EPC1: variants seen among roughly 807,000 people sequenced by gnomAD.
EPC1 encodes the protein enhancer of polycomb homolog 1.
In EPC1, 12 loss-of-function variants were observed where a neutral mutation model predicts 98.4. The ratio of observed to expected loss-of-function variants is 0.12; its 90% CI spans 0.08 to 0.20. The LOEUF (loss-of-function observed/expected upper bound fraction) is 0.20, where lower values mean the gene tolerates loss of function less well. EPC1 is among the 10% of genes least tolerant of loss of function. The pLI is 1.00. For missense variants in EPC1, 729 were observed against 990.5 expected (o/e 0.74, Z 3.54); for synonymous variants, 357 against 363.9 (o/e 0.98, Z 0.21).
At chr10:32,346,050 G>A (rs1013882236) in intron 1 of EPC1, among the ~76,000 whole-genome samples, 5 of 152,202 alleles carry the variant, frequency 3.3e-5, no homozygotes, top group South Asian at 2.1e-4. Flanking sequence ...CTCTGGAGAG[G>A]GATGGATACA....
intron 2 of EPC1, among the ~76,000 whole-genome samples, chr10:32,298,729 A>G (rs1247378264): frequency 2.0e-5 from 3 of 152,212 alleles, no homozygotes; most frequent in Non-Finnish European, 2.9e-5. Flanking sequence ...AATGGTGAAT[A>G]TTAGATTTGA....
chr10:32,284,559 T>TA, intron 10 of EPC1, 139 bp downstream of exon 10: 1 of 660,414 alleles, frequency 1.5e-6, no homozygotes, highest in South Asian at 2.2e-5. Context: ...AATAAATACT[T>TA]AGACCAAGAT....
rs756551251 is a variant in EPC1, at chr10:32,269,147, A to G, written c.2370-12T>C. On this transcript the variant is annotated splice_polypyrimidine_tract_variant and intron_variant, in intron 13 of 13. Coordinates refer to ENST00000319778, the MANE Select transcript of EPC1 (RefSeq NM_001272004.3). ...ATTCATGATTTTCCCTGTTGAAATA[A>G]AGTTCAATCAATTACTTATCTACAA... is the stretch of plus-strand genomic sequence containing the variant. The G allele has an allele frequency of 3.7e-6, 6 of 1,608,334 alleles. No homozygotes were observed. Among genetic ancestry groups the G allele is most frequent in the Non-Finnish European group, 4.3e-6 (5 of 1,175,444 alleles).
chr10:32,302,581 C>G (rs2479361), intron 2 of EPC1, among the ~76,000 whole-genome samples: 1 of 147,962 alleles, frequency 6.8e-6, no homozygotes, highest in Non-Finnish European at 1.5e-5. Context: ...ATCTAGGAAG[C>G]GGAGGTTGCT....
intron 1 of EPC1, among the ~76,000 whole-genome samples, chr10:32,369,599 G>A (rs187839982): frequency 7.2e-5 from 11 of 152,226 alleles, no homozygotes; most frequent in Middle Eastern, 3.4e-3. Context: ...TCTTTTAACA[G>A]GTAAGCATAT....
At chr10:32,327,090 C>CACAG (rs1837340877) in intron 1 of EPC1, among the ~76,000 whole-genome samples, 4 of 149,862 alleles carry the variant, frequency 2.7e-5, no homozygotes, top group Non-Finnish European at 5.9e-5. Flanking sequence ...CACACACACA[C>CACAG]TCACAATGGA....
At chr10:32,295,398 G>GA (rs780295302) in intron 2 of EPC1, among the ~76,000 whole-genome samples, 3 of 152,120 alleles carry the variant, frequency 2.0e-5, no homozygotes, top group Non-Finnish European at 2.9e-5. Flanking sequence ...TGGTACAGTT[G>GA]AATGTATTAT....
chr10:32,301,089 T>TCTGC (rs1192926067), intron 2 of EPC1, among the ~76,000 whole-genome samples: 6 of 148,674 alleles, frequency 4.0e-5, no homozygotes, highest in Admixed American at 2.0e-4. Flanking sequence ...TATCTATCTA[T>TCTGC]CTGCCTGCCT....
upstream of EPC1, among the ~76,000 whole-genome samples, chr10:32,350,982 A>G (rs1183980835): frequency 1.3e-5 from 2 of 152,092 alleles, no homozygotes. Context: ...TTCATCCTTT[A>G]TTTATTCAGT....
At chr10:32,316,966 A>C (rs1836591974) in intron 1 of EPC1, among the ~76,000 whole-genome samples, 1 of 152,218 alleles carries the variant, frequency 6.6e-6, no homozygotes, top group South Asian at 2.1e-4. Flanking sequence ...AAATAATAAC[A>C]TGGAAGAATC....
Position 32,346,623 on chromosome 10 carries a change from T to C in EPC1, c.153+140A>G, listed in dbSNP as rs1042354831. 1.3e-5 allele frequency: 11 copies of C among 843,168 alleles called. No individual in the cohort carries two copies. The African/African-American group carries it at 1.7e-4, about 13-fold the overall frequency. 52.2% of individuals were successfully genotyped at this position (843,168 alleles called of 1,614,324 possible). A position where few individuals can be genotyped will look rare whatever the true frequency, so the allele number is the denominator to read the frequency against. On this transcript the variant is annotated intron_variant, in intron 1 of 13. Coordinates refer to ENST00000319778, the MANE Select transcript of EPC1 (RefSeq NM_001272004.3). ...GGGGTCGAGGCTGGGGGAGGCGGGG[T>C]ATAGGCCCGGCCGGCGACTGAGAGT...
intron 2 of EPC1, among the ~76,000 whole-genome samples, chr10:32,297,808 A>ATTATTG (rs1835258380): frequency 1.3e-5 from 2 of 151,108 alleles, no homozygotes; most frequent in Admixed American, 1.3e-4. Context: ...TATTATTATT[A>ATTATTG]TTATTTTGAG....
intron 1 of EPC1, among the ~76,000 whole-genome samples, chr10:32,311,420 A>G (rs1359277286): frequency 6.6e-6 from 1 of 152,144 alleles, no homozygotes; most frequent in African/African-American, 2.4e-5. Flanking sequence ...ACTTTTCTAT[A>G]CATTTGAAAA....
upstream of EPC1, among the ~76,000 whole-genome samples, chr10:32,348,237 A>T (rs558728199): frequency 6.6e-6 from 1 of 152,188 alleles, no homozygotes; most frequent in South Asian, 2.1e-4. Flanking sequence ...TATATTACAC[A>T]TGAAAATGGG....
chr10:32,300,420 G>A (rs1048683433), intron 2 of EPC1, among the ~76,000 whole-genome samples: 6 of 146,750 alleles, frequency 4.1e-5, no homozygotes, highest in African/African-American at 1.5e-4. Flanking sequence ...TTTCTATAGT[G>A]TATCAATTCA....
chr10:32,290,352 G>A (rs764912891), intron 6 of EPC1, among the ~76,000 whole-genome samples: 1 of 151,550 alleles, frequency 6.6e-6, no homozygotes, highest in African/African-American at 2.4e-5. Context: ...GCATGGTGGC[G>A]CGTGCTACCT....
At chr10:32,338,481 C>T (rs1316743339) in intron 1 of EPC1, among the ~76,000 whole-genome samples, 1 of 152,160 alleles carries the variant, frequency 6.6e-6, no homozygotes, top group East Asian at 1.9e-4. Context: ...TAGCTTACTT[C>T]ATTTCAACAC....
intron 2 of EPC1, among the ~76,000 whole-genome samples, chr10:32,294,829 C>G (rs1462038472): frequency 6.6e-6 from 1 of 152,014 alleles, no homozygotes; most frequent in Non-Finnish European, 1.5e-5. Flanking sequence ...GTATAAGGCC[C>G]TTTTTTCCTA....
At chr10:32,370,247 C>T (rs1236922557) in intron 1 of EPC1, among the ~76,000 whole-genome samples, 1 of 152,146 alleles carries the variant, frequency 6.6e-6, no homozygotes, top group African/African-American at 2.4e-5. Context: ...GAACTGGTTT[C>T]ACTGTCATTA....
Sources: gnomAD v4.1 joint callset for allele counts (sites outside exome capture counted in the v4.1 genomes callset) on GRCh38, gnomAD v4.1.1 for gene constraint, MANE v1.5 for transcripts, NCBI Gene and HGNC (gene_info 2026-07-23, HGNC 2026-07-21) for gene names.